The following KLF3 variants were observed in gnomAD, a reference collection of about 807,000 sequenced individuals.
KLF3 encodes the protein Krueppel-like factor 3.
A neutral mutation model predicts 32.7 loss-of-function variants in KLF3; 6 were observed. That is an observed-to-expected ratio of 0.18 (90% CI 0.10 to 0.36). KLF3 has a LOEUF of 0.36. Among genes scored for constraint, KLF3 ranks in the 10% least tolerant of loss-of-function variants. The pLI, the probability that KLF3 is intolerant of heterozygous loss-of-function variation, is 1.00. For missense variants in KLF3, 338 were observed against 449.7 expected (o/e 0.75, Z 2.25); for synonymous variants, 145 against 172.8 (o/e 0.84, Z 1.26).
rs550781004 is a variant in KLF3, at chr4:38,664,373, C to G, written c.-128C>G. 3.3e-5 allele frequency: 5 copies of G among 152,196 alleles called. No individual in the cohort carries two copies. The highest frequency in any genetic ancestry group is 7.4e-5 in the Non-Finnish European group (5 of 68,002). 9.4% of individuals were successfully genotyped at this position (152,196 alleles called of 1,614,324 possible). A position where few individuals can be genotyped will look rare whatever the true frequency, so the allele number is the denominator to read the frequency against. On this transcript the variant is annotated 5_prime_UTR_variant, in exon 1 of 6. Coordinates refer to ENST00000261438, the MANE Select transcript of KLF3 (RefSeq NM_016531.6). ...CCGCCAACGCCGCCCGGACTGGAGC[C>G]CTGACATTGCTGCGCTCGGGGGGCT...
intron 2 of KLF3, among the ~76,000 whole-genome samples, chr4:38,681,432 G>A (rs1722522517): frequency 6.6e-6 from 1 of 152,202 alleles, no homozygotes; most frequent in Non-Finnish European, 1.5e-5. Flanking sequence ...ACGGAATCTC[G>A]TTTACTTGGA....
At chr4:38,665,096 A>G (rs1223892181) in intron 1 of KLF3, among the ~76,000 whole-genome samples, 1 of 151,746 alleles carries the variant, frequency 6.6e-6, no homozygotes, top group East Asian at 1.9e-4. Flanking sequence ...ACTTAGGGCA[A>G]TTGGGATTGG....
intron 1 of KLF3, among the ~76,000 whole-genome samples, chr4:38,679,088 A>G (rs1722440718): frequency 6.6e-6 from 1 of 152,230 alleles, no homozygotes; most frequent in Non-Finnish European, 1.5e-5. Context: ...CAAGCAGAGA[A>G]CAACAGAAGA....
chr4:38,665,418 T>G (rs1405268650), intron 1 of KLF3, among the ~76,000 whole-genome samples: 2 of 152,192 alleles, frequency 1.3e-5, no homozygotes, highest in Non-Finnish European at 1.5e-5. Flanking sequence ...TTCATTTTTT[T>G]GGGCAGATAG....
rs11455486 is a variant in KLF3 at position 38,674,434 on chromosome 4, C to CTTTTTTTTTTTTTTTT, written c.-39-6141_-39-6140insTTTTTTTTTTTTTTTT. On this transcript the variant is annotated intron_variant, in intron 1 of 5. Transcript: ENST00000261438. This position sits in a 1 kb window ranked among gnomAD's most constrained non-coding sequence, Gnocchi z 4.1. ...TTACACACACACATGCACACACCGC[C>CTTTTTTTTTTTTTTTT]TTTTTTTTTTTTCTTTTTTTGCCTT... 1.4e-5 allele frequency among the ~76,000 whole-genome samples: 2 copies of CTTTTTTTTTTTTTTTT among 146,568 alleles called. No homozygotes were observed.
chr4:38,698,730 C>T lies in KLF3; in HGVS notation c.*1467C>T, dbSNP rs1486720733. ...TTGGGGGAAGTTATTCAAAAGCAGG[C>T]TTTTGAGCACCATAGTCTAAATGCC... is the stretch of plus-strand genomic sequence containing the variant. On this transcript the variant is annotated 3_prime_UTR_variant, in exon 6 of 6. Transcript: ENST00000261438. 1 of 152,136 alleles carries T rather than the reference C, an allele frequency of 6.6e-6. No homozygotes were observed. Among genetic ancestry groups the T allele is most frequent in the Non-Finnish European group, 1.5e-5 (1 of 68,008 alleles). 9.4% of individuals were successfully genotyped at this position (152,136 alleles called of 1,614,324 possible). A position where few individuals can be genotyped will look rare whatever the true frequency, so the allele number is the denominator to read the frequency against.
In KLF3 at chr4:38,672,791, C is replaced by T. The variant is rs1722237454; in HGVS notation, c.-39-7796C>T. On this transcript the variant is annotated intron_variant, in intron 1 of 5. Transcript: ENST00000261438. Reference sequence around the variant, plus strand: ...AGGGGTGAGGGCTGGACTGGAGAGGCTGAGGGAGACCAGTGGTGGAAAAGC... The same window carrying T: ...AGGGGTGAGGGCTGGACTGGAGAGGTTGAGGGAGACCAGTGGTGGAAAAGC... 2.0e-5 allele frequency among the ~76,000 whole-genome samples: 3 copies of T among 152,050 alleles called. No individual in the cohort carries two copies. The South Asian group carries it at 6.2e-4, about 32-fold the overall frequency.
intron 1 of KLF3, among the ~76,000 whole-genome samples, chr4:38,666,546 G>T (rs1579113667): frequency 6.6e-6 from 1 of 152,060 alleles, no homozygotes; most frequent in African/African-American, 2.4e-5. Context: ...TAACCCAAAG[G>T]GAAAATAGAC....
intron 1 of KLF3, among the ~76,000 whole-genome samples, chr4:38,666,718 A>G (rs1210902892): frequency 6.6e-6 from 1 of 152,240 alleles, no homozygotes; most frequent in East Asian, 1.9e-4. Flanking sequence ...GTATAACTGC[A>G]TTTGAAAAAG....
chr4:38,693,114 A>G lies in KLF3; in HGVS notation c.696-1632A>G, dbSNP rs548119501. Reference sequence around the variant, plus strand: ...CACGTATATATATATGTACATATATATACATATATATATACGTGTATATAT... The same window carrying G: ...CACGTATATATATATGTACATATATGTACATATATATATACGTGTATATAT... On this transcript the variant is annotated intron_variant, in intron 4 of 5. Transcript: ENST00000261438. 2.0e-3 allele frequency among the ~76,000 whole-genome samples: 94 copies of G among 47,464 alleles called. 1 individual carries two copies. The highest frequency in any genetic ancestry group is 6.1e-3 in the African/African-American group (76 of 12,422). The allele number at this position is 47,464 out of a possible 152,430, so 31.1% of individuals were successfully genotyped here.
At chr4:38,694,110 G>A (rs1722970517) in intron 4 of KLF3, among the ~76,000 whole-genome samples, 1 of 152,176 alleles carries the variant, frequency 6.6e-6, no homozygotes, top group Non-Finnish European at 1.5e-5. Flanking sequence ...AGACAGCAAT[G>A]CCAACTTTTT....
At chr4:38,682,091 C>T (rs1324123443) in intron 2 of KLF3, among the ~76,000 whole-genome samples, 1 of 152,258 alleles carries the variant, frequency 6.6e-6, no homozygotes, top group East Asian at 1.9e-4. Flanking sequence ...TGGAGTCTCA[C>T]TCTGTCGCCT....
At chr4:38,690,233 C>G (rs1412882816) in intron 4 of KLF3, 1 of 215,078 alleles carries the variant, frequency 4.6e-6, no homozygotes, top group Non-Finnish European at 9.1e-6. Context: ...ACTTGGTGTT[C>G]TGTGGATCAT....
chr4:38,691,194 G>C (rs2109254036), intron 4 of KLF3, among the ~76,000 whole-genome samples: 1 of 152,312 alleles, frequency 6.6e-6, no homozygotes, highest in South Asian at 2.1e-4. Context: ...TGAGACATTA[G>C]ATAACTCGCC....
chr4:38,695,413 G>C (rs542805917), intron 5 of KLF3, among the ~76,000 whole-genome samples: 1 of 152,162 alleles, frequency 6.6e-6, no homozygotes, highest in Non-Finnish European at 1.5e-5. Context: ...CTCTTATGCC[G>C]TTGCCTACCA....
rs368326699 is a variant in KLF3 at position 38,668,045 on chromosome 4, A to G, written c.-40+3584A>G. Among the ~76,000 whole-genome samples, 5 of 152,354 alleles carry G rather than the reference A, an allele frequency of 3.3e-5. 1 individual carries two copies. The highest frequency in any genetic ancestry group is 1.2e-4 in the African/African-American group (5 of 41,578). ...CCGTTTTTAAGAATTAAAAAGCTCAAAGGAGAACTGGCATTAACAAATTCA... is the reference window on the plus strand; with the variant it reads ...CCGTTTTTAAGAATTAAAAAGCTCAGAGGAGAACTGGCATTAACAAATTCA... On this transcript the variant is annotated intron_variant, in intron 1 of 5. Transcript: ENST00000261438.
chr4:38,686,291 C>G (rs1466447379), intron 2 of KLF3, among the ~76,000 whole-genome samples: 2 of 151,556 alleles, frequency 1.3e-5, no homozygotes, highest in Non-Finnish European at 2.9e-5. Flanking sequence ...CAAAAAAATA[C>G]AAAAATTAGC....
intron 5 of KLF3, 43 bp downstream of exon 5, chr4:38,694,949 G>A (rs756010200): frequency 1.9e-6 from 3 of 1,553,460 alleles, no homozygotes; most frequent in Non-Finnish European, 2.6e-6. Flanking sequence ...TTCTTAAGAA[G>A]TATTAGAATG....
intron 2 of KLF3, among the ~76,000 whole-genome samples, chr4:38,687,041 C>T (rs1447629641): frequency 1.3e-5 from 2 of 152,162 alleles, no homozygotes; most frequent in African/African-American, 4.8e-5. Context: ...ATAGTGGCCA[C>T]CAGAGGGGCC....
Sources: allele counts gnomAD v4.1 joint callset (sites outside exome capture counted in the v4.1 genomes callset), GRCh38; gene constraint gnomAD v4.1.1; non-coding constraint Gnocchi (gnomAD v3.1); transcripts MANE v1.5; gene names NCBI Gene and HGNC (gene_info 2026-07-23, HGNC 2026-07-21).